VWA2: variants seen among roughly 807,000 people sequenced by gnomAD.
VWA2 encodes von Willebrand factor A domain containing 2, also known as von Willebrand factor A domain-containing protein 2.
A neutral mutation model predicts 70.4 loss-of-function variants in VWA2; 73 were observed. The observed-to-expected ratio is 1.04, with a 90% CI of 0.86 to 1.26. The LOEUF (loss-of-function observed/expected upper bound fraction) is 1.26, where lower values mean the gene tolerates loss of function less well. Ranked by LOEUF, VWA2 falls within the 50% of genes most tolerant of loss-of-function variation. VWA2 has a pLI of 0.00. For missense variants in VWA2, 1,011 were observed against 998.5 expected, an observed-to-expected ratio of 1.01 and a Z score of -0.17; for synonymous variants, 407 against 423.3, an observed-to-expected ratio of 0.96 and a Z score of 0.47.
chr10:114,286,641 G>A (rs1432142599), intron 11 of VWA2, 130 bp downstream of exon 11: 3 of 733,878 alleles, frequency 4.1e-6, no homozygotes, highest in Non-Finnish European at 6.4e-6. Context: ...CACTCTTTCA[G>A]GCACCAGTCA....
chr10:114,269,065 C>T (rs1237553048), intron 5 of VWA2, among the ~76,000 whole-genome samples: 1 of 152,178 alleles, frequency 6.6e-6, no homozygotes, highest in Non-Finnish European at 1.5e-5. Context: ...GGAATCTCAC[C>T]TTACCTTGGT....
At chr10:114,281,615 G>T in intron 8 of VWA2, 1 of 422,502 alleles carries the variant, frequency 2.4e-6, no homozygotes, top group Non-Finnish European at 3.2e-6. Context: ...AAGTCATTGA[G>T]TCCAGTGGCT....
At chr10:114,272,458 C>G (rs138239082) in intron 5 of VWA2, among the ~76,000 whole-genome samples, 191 of 152,208 alleles carry the variant, frequency 1.3e-3, no homozygotes, top group Middle Eastern at 3.4e-3. Context: ...AGCTGTCGGC[C>G]CAGAGTCATC....
Position 114,285,390 on chromosome 10 carries a change from G to C in VWA2, c.997+420G>C, listed in dbSNP as rs539409179. Among the ~76,000 whole-genome samples, 3 of 152,332 alleles carry C rather than the reference G, an allele frequency of 2.0e-5. No individual in the cohort carries two copies. In the South Asian group the frequency reaches 6.2e-4, roughly 32 times the overall value. The stretch of plus-strand genomic sequence containing the variant: ...GATGATAGTAGGCTTTACCTCACTG[G>C]GTGGTTGAGAGTTTTAAATAAGATT... On this transcript the variant is annotated intron_variant, in intron 10 of 13. Transcript: ENST00000392982.
rs1396679749 is a variant in VWA2, at chr10:114,288,556, T to C, written c.1571-382T>C. On this transcript the variant is annotated intron_variant, in intron 11 of 13. Coordinates refer to ENST00000392982, the MANE Select transcript of VWA2 (RefSeq NM_001272046.2). ...GGTGAGTGGCCCGGGCCAGCAGGGC[T>C]TGGTCATCTTATGGCTTCCACCTTG... Among the ~76,000 whole-genome samples the C allele has an allele frequency of 7.9e-5, 12 of 152,212 alleles. No individual in the cohort carries two copies. The East Asian group carries it at 2.3e-3, about 29-fold the overall frequency.
intron 4 of VWA2, among the ~76,000 whole-genome samples, chr10:114,256,636 C>T (rs1469153316): frequency 4.6e-5 from 7 of 152,092 alleles, no homozygotes; most frequent in South Asian, 2.1e-4. Context: ...AGAGGCTGTG[C>T]GCGGTGGGTC....
At chr10:114,272,554 T>C (rs1179729318) in intron 5 of VWA2, among the ~76,000 whole-genome samples, 186 bp from the exon 6 acceptor site, 1 of 152,158 alleles carries the variant, frequency 6.6e-6, no homozygotes, top group African/African-American at 2.4e-5. Context: ...CTCAAGTGCA[T>C]GGAAAAAATA....
At chr10:114,283,383 G>A (rs1478094673) in intron 9 of VWA2, among the ~76,000 whole-genome samples, 4 of 151,910 alleles carry the variant, frequency 2.6e-5, no homozygotes, top group African/African-American at 7.3e-5. Flanking sequence ...GCAGGGTAGC[G>A]AGCAGTTAGA....
chr10:114,256,248 T>A (rs1345747084), intron 4 of VWA2, among the ~76,000 whole-genome samples: 3 of 152,236 alleles, frequency 2.0e-5, no homozygotes, highest in Non-Finnish European at 2.9e-5. Flanking sequence ...TCCCTTATGA[T>A]GCATTCGTAT....
intron 2 of VWA2, 96 bp from the exon 3 acceptor site, chr10:114,253,555 C>T: frequency 9.5e-7 from 1 of 1,052,188 alleles, no homozygotes; most frequent in East Asian, 2.5e-5. Context: ...CTAGGTTTCT[C>T]TGATGTTACC....
intron 1 of VWA2, chr10:114,246,031 A>C (rs2037060254): frequency 6.5e-6 from 4 of 614,024 alleles, no homozygotes; most frequent in South Asian, 5.6e-5. Context: ...ATCCTCCAGG[A>C]GGACCACTCT....
chr10:114,247,332 T>G (rs1002169854), intron 1 of VWA2, among the ~76,000 whole-genome samples: 1 of 151,882 alleles, frequency 6.6e-6, no homozygotes, highest in Non-Finnish European at 1.5e-5. Flanking sequence ...CATATGAGAG[T>G]GTATAAAATA....
rs1160992753 is a variant in VWA2 at position 114,256,173 on chromosome 10, A to G, written c.261+1125A>G. Among the ~76,000 whole-genome samples the G allele has an allele frequency of 2.6e-5, 4 of 152,374 alleles. No homozygotes were observed. The East Asian group carries it at 7.7e-4, about 29-fold the overall frequency. ...CCCATACAGAGTTATTCATTGCAGC[A>G]TTATGTGTATAAACTGTAAAATATT... On this transcript the variant is annotated intron_variant, in intron 4 of 13. Transcript: ENST00000392982.
intron 11 of VWA2, among the ~76,000 whole-genome samples, chr10:114,288,585 T>C (rs2039194724): frequency 1.3e-5 from 2 of 152,086 alleles, no homozygotes; most frequent in Non-Finnish European, 2.9e-5. Context: ...CACCTTGAGG[T>C]CCAAGGTCAC....
At chr10:114,276,659 C>T (rs1363014090) in intron 6 of VWA2, among the ~76,000 whole-genome samples, 1 of 151,222 alleles carries the variant, frequency 6.6e-6, no homozygotes. Flanking sequence ...AGATGTCTGC[C>T]ACGACACCCA....
In VWA2 at chr10:114,294,121, T is replaced by G. The variant is rs531656092; in HGVS notation, c.*2884T>G. On this transcript the variant is annotated 3_prime_UTR_variant, in exon 14 of 14. Transcript: ENST00000392982. ...CAATCATTGAACAACCCTTGATTTT[T>G]TTGGATAAACTCTATTTGGTCATTA... Among the ~76,000 whole-genome samples, 5 of 152,326 alleles carry G rather than the reference T, an allele frequency of 3.3e-5. No individual in the cohort carries two copies. In the South Asian group the frequency reaches 1.0e-3, roughly 32 times the overall value.
intron 5 of VWA2, among the ~76,000 whole-genome samples, chr10:114,261,948 TG>T (rs988323900): frequency 1.3e-5 from 2 of 151,796 alleles, no homozygotes; most frequent in South Asian, 2.1e-4. Context: ...AAGGCAAAGG[TG>T]GGGGGGCAGG....
At chr10:114,254,740 C>T (rs1306726328) in intron 3 of VWA2, among the ~76,000 whole-genome samples, 175 bp from the exon 4 acceptor site, 2 of 152,204 alleles carry the variant, frequency 1.3e-5, no homozygotes, top group African/African-American at 4.8e-5. Flanking sequence ...GTGAGCAGCA[C>T]ACCTGTGGTG....
intron 8 of VWA2, 37 bp from the exon 9 acceptor site, chr10:114,282,479 T>A: frequency 6.3e-7 from 1 of 1,583,758 alleles, no homozygotes; most frequent in Non-Finnish European, 8.7e-7. Context: ...CCCTTACACC[T>A]CTGATCTGTC....
Sources: gnomAD v4.1 joint callset for allele counts (sites outside exome capture counted in the v4.1 genomes callset) on GRCh38, gnomAD v4.1.1 for gene constraint, MANE v1.5 for transcripts, NCBI Gene and HGNC (gene_info 2026-07-23, HGNC 2026-07-21) for gene names.